RBMS3: variants seen among roughly 807,000 people sequenced by gnomAD.
The protein encoded by RBMS3 is RNA binding motif single stranded interacting protein 3.
A neutral mutation model predicts 66.8 loss-of-function variants in RBMS3; 27 were observed. The ratio of observed to expected loss-of-function variants is 0.40; its 90% CI spans 0.30 to 0.56. The LOEUF (loss-of-function observed/expected upper bound fraction) is 0.56. Among genes scored for constraint, RBMS3 ranks in the 20% least tolerant of loss-of-function variants. The pLI is 0.40. For missense variants in RBMS3, 513 were observed against 549.5 expected, an observed-to-expected ratio of 0.93 and a Z score of 0.66; for synonymous variants, 188 against 183.0, an observed-to-expected ratio of 1.03 and a Z score of -0.22.
At chr3:29,316,811 A>T (rs1229591058) in intron 1 of RBMS3, among the ~76,000 whole-genome samples, 1 of 151,662 alleles carries the variant, frequency 6.6e-6, no homozygotes, top group Non-Finnish European at 1.5e-5. Context: ...GTAAGTGGTG[A>T]TGTGGCTTAA....
intron 4 of RBMS3, among the ~76,000 whole-genome samples, chr3:29,655,945 CAA>C (rs57111170): frequency 0.18 from 25,682 of 140,460 alleles, 2,351 homozygotes; most frequent in East Asian, 0.34. Context: ...GCTTAAAAAG[CAA>C]AAAAAAAAAA....
rs111969050 is a variant in RBMS3, at chr3:29,586,623, G to A, written c.308-491G>A. 5.6e-3 allele frequency among the ~76,000 whole-genome samples: 847 copies of A among 152,222 alleles called. 6 individuals are homozygous for A. The highest frequency in any genetic ancestry group is 8.1e-3 in the Non-Finnish European group (551 of 68,000). On this transcript the variant is annotated intron_variant, in intron 3 of 14. Transcript: ENST00000383767. Reference sequence around the variant, plus strand: ...TCCACAATATTTACTTATTCATGAAGTCAACATGTATTTATTGAATGCCTA... The same window carrying A: ...TCCACAATATTTACTTATTCATGAAATCAACATGTATTTATTGAATGCCTA...
At chr3:29,962,806 T>C (rs1267309621) in intron 12 of RBMS3, among the ~76,000 whole-genome samples, 2 of 152,062 alleles carry the variant, frequency 1.3e-5, no homozygotes, top group African/African-American at 2.4e-5. Flanking sequence ...GAGGCCCAAA[T>C]GTCACAGTCA....
At chr3:29,865,859 T>C (rs138462929) in intron 6 of RBMS3, among the ~76,000 whole-genome samples, 2 of 152,196 alleles carry the variant, frequency 1.3e-5, no homozygotes, top group Non-Finnish European at 2.9e-5. Flanking sequence ...TCAAGGATGA[T>C]ACCTAGCAGA....
chr3:29,863,438 G>A (rs1324410456), intron 6 of RBMS3, among the ~76,000 whole-genome samples: 1 of 151,950 alleles, frequency 6.6e-6, no homozygotes, highest in African/African-American at 2.4e-5. Context: ...CATTGTGGCT[G>A]TATCTGTCTT....
chr3:29,561,433 TTGTTG>T (rs2046550500), intron 3 of RBMS3, among the ~76,000 whole-genome samples: 1 of 88,364 alleles, frequency 1.1e-5, no homozygotes, highest in African/African-American at 7.6e-5. Flanking sequence ...TCTGTTGTTT[TTGTTG>T]TTGTTGTTGT....
chr3:29,590,380 A>G (rs969844735), intron 4 of RBMS3, among the ~76,000 whole-genome samples: 2 of 152,144 alleles, frequency 1.3e-5, no homozygotes, highest in African/African-American at 4.8e-5. Flanking sequence ...TAGTTATTCA[A>G]TAAATATTGT....
At chr3:29,512,075 T>G (rs2044435083) in intron 3 of RBMS3, among the ~76,000 whole-genome samples, 1 of 152,064 alleles carries the variant, frequency 6.6e-6, no homozygotes, top group South Asian at 2.1e-4. Flanking sequence ...AGTAAAAGCC[T>G]CCTTTTCCTT....
intron 6 of RBMS3, among the ~76,000 whole-genome samples, chr3:29,861,914 G>A (rs2059226485): frequency 6.6e-6 from 1 of 152,034 alleles, no homozygotes; most frequent in African/African-American, 2.4e-5. Flanking sequence ...ATGTCTTCTA[G>A]CACATTAAAG....
At chr3:29,288,260 A>T (rs972378300) in intron 1 of RBMS3, among the ~76,000 whole-genome samples, 4 of 151,982 alleles carry the variant, frequency 2.6e-5, no homozygotes, top group African/African-American at 9.7e-5. Flanking sequence ...TGTGTCATTC[A>T]TGAGTTTTTC....
chr3:29,624,430 G>A (rs746914334), intron 4 of RBMS3, among the ~76,000 whole-genome samples: 2 of 151,980 alleles, frequency 1.3e-5, no homozygotes, highest in Non-Finnish European at 2.9e-5. Context: ...ATTCAGTTTG[G>A]ATATCCTCAA....
At chr3:29,394,148 C>T (rs2039437758) in intron 1 of RBMS3, among the ~76,000 whole-genome samples, 1 of 152,196 alleles carries the variant, frequency 6.6e-6, no homozygotes, top group African/African-American at 2.4e-5. Context: ...GACAGACACT[C>T]TCAGAGCAGC....
rs557036682 is a variant in RBMS3, at chr3:29,364,367, G to A, written c.76-70376G>A. On this transcript the variant is annotated intron_variant, in intron 1 of 14. Transcript: ENST00000383767. ...AAACATCAACAGAGGACCTAATTGT[G>A]GCAGACCGTGACTATATTTTATAAC... Among the ~76,000 whole-genome samples the A allele has an allele frequency of 3.3e-5, 5 of 152,252 alleles. No homozygotes were observed. In the East Asian group the frequency reaches 9.6e-4, roughly 29 times the overall value.
intron 6 of RBMS3, chr3:29,765,996 C>T (rs1812322): frequency 0.29 from 43,524 of 151,874 alleles, 6,522 homozygotes; most frequent in African/African-American, 0.37. Context: ...AAGACCTGCA[C>T]CCATGATTCA....
Position 29,324,626 on chromosome 3 carries a change from A to G in RBMS3, c.75+42870A>G, listed in dbSNP as rs1246902115. On this transcript the variant is annotated intron_variant, in intron 1 of 14. Transcript: ENST00000383767. ...CCTTGTTATGCTCTCCCAGCATTGT[A>G]GAGCTCCAAGATGTTTCCCCTGTGC... is the stretch of plus-strand genomic sequence containing the variant. 2.7e-5 allele frequency among the ~76,000 whole-genome samples: 4 copies of G among 146,586 alleles called. No individual in the cohort carries two copies. In the East Asian group the frequency reaches 5.8e-4, roughly 21 times the overall value.
intron 1 of RBMS3, among the ~76,000 whole-genome samples, chr3:29,379,442 C>T (rs1444053963): frequency 4.6e-5 from 7 of 152,196 alleles, no homozygotes; most frequent in Admixed American, 4.6e-4. Context: ...ATACCTAAGA[C>T]TGGACAATTT....
intron 7 of RBMS3, chr3:29,880,665 A>G (rs2059715170): frequency 2.2e-6 from 2 of 895,942 alleles, no homozygotes; most frequent in African/African-American, 1.6e-5. Flanking sequence ...TATTATATTC[A>G]GCCAATGGGT....
intron 6 of RBMS3, among the ~76,000 whole-genome samples, chr3:29,816,910 T>C (rs540741505): frequency 1.5e-4 from 23 of 151,898 alleles, no homozygotes; most frequent in Non-Finnish European, 2.8e-4. Context: ...GCCAACATGG[T>C]GATACCCCGT....
intron 3 of RBMS3, among the ~76,000 whole-genome samples, chr3:29,560,464 A>G (rs949141812): frequency 3.3e-5 from 5 of 152,242 alleles, no homozygotes; most frequent in African/African-American, 1.2e-4. Context: ...CATGCTTCCC[A>G]GCACAAACAT....
Sources: allele counts gnomAD v4.1 joint callset (sites outside exome capture counted in the v4.1 genomes callset), GRCh38; gene constraint gnomAD v4.1.1; transcripts MANE v1.5; gene names NCBI Gene and HGNC (gene_info 2026-07-23, HGNC 2026-07-21).